The following RFC3 variants were observed in gnomAD, a reference collection of about 807,000 sequenced individuals.
RFC3 encodes A1 38 kDa subunit.
In RFC3, 41 loss-of-function variants were observed where a neutral mutation model predicts 45.1. The observed-to-expected ratio is 0.91, with a 90% confidence interval of 0.71 to 1.18. The LOEUF (loss-of-function observed/expected upper bound fraction) is 1.18, where lower values mean the gene tolerates loss of function less well. Ranked by LOEUF, RFC3 falls within the 50% of genes most tolerant of loss-of-function variation. The probability of loss-of-function intolerance (pLI) is 0.00; values close to 1 mark genes in which losing one functional copy is unlikely to be tolerated. For missense variants in RFC3, 423 were observed against 428.1 expected (o/e 0.99, Z 0.10); for synonymous variants, 149 against 144.0 (o/e 1.03, Z -0.25).
chr13:33,934,083 T>C (rs1257971963), intron 8 of RFC3, among the ~76,000 whole-genome samples: 1 of 151,792 alleles, frequency 6.6e-6, no homozygotes, highest in Non-Finnish European at 1.5e-5. Flanking sequence ...GAAAAGAGCA[T>C]GTAGGAGGAT....
chr13:33,861,621 G>A (rs1242878446), intron 8 of RFC3, among the ~76,000 whole-genome samples: 1 of 150,900 alleles, frequency 6.6e-6, no homozygotes, highest in Non-Finnish European at 1.5e-5. Context: ...TTCCAGCCTA[G>A]GCAACAAGAG....
the RFC3 span, among the ~76,000 whole-genome samples, chr13:33,974,293 T>C: frequency 2.6e-5 from 4 of 152,232 alleles, no homozygotes; most frequent in Non-Finnish European, 5.9e-5. Context: ...ACTGTTGTAG[T>C]AATAAGGAAC....
At chr13:33,904,798 G>C (rs1447881802) in intron 8 of RFC3, among the ~76,000 whole-genome samples, 1 of 152,078 alleles carries the variant, frequency 6.6e-6, no homozygotes, top group African/African-American at 2.4e-5. Context: ...TCCTCAGAAA[G>C]TAATGGAGGT....
In RFC3 at chr13:33,960,332, G is replaced by A. The variant is rs182234917; in HGVS notation, c.880-5755G>A. Among the ~76,000 whole-genome samples, 215 of 152,272 alleles carry A rather than the reference G, an allele frequency of 1.4e-3. 2 individuals are homozygous for A. The highest frequency in any genetic ancestry group is 4.8e-3 in the African/African-American group (200 of 41,550). On this transcript the variant is annotated intron_variant, in intron 8 of 8. Coordinates refer to the RFC3 transcript ENST00000434425. ...AACCTGAACAGATATATGGCCTTGG[G>A]CACACTCCATAAGATCAGGGGCTCT...
At chr13:33,858,552 A>G (rs1057344649) in intron 8 of RFC3, among the ~76,000 whole-genome samples, 1 of 152,116 alleles carries the variant, frequency 6.6e-6, no homozygotes, top group Non-Finnish European at 1.5e-5. Context: ...GAAACCCCAA[A>G]TAATCACGTT....
At chr13:33,830,669 C>T in intron 5 of RFC3, 50 bp from the exon 6 acceptor site, 1 of 1,504,412 alleles carries the variant, frequency 6.6e-7, no homozygotes, top group African/African-American at 1.4e-5. Flanking sequence ...AGAAATGAAT[C>T]TTAATCTGCT....
At chr13:33,874,710 A>G (rs1173518983) in intron 8 of RFC3, among the ~76,000 whole-genome samples, 3 of 152,192 alleles carry the variant, frequency 2.0e-5, no homozygotes, top group Non-Finnish European at 4.4e-5. Context: ...ACTGAGAATG[A>G]TTCAGGCCAT....
chr13:33,941,256 C>T (rs1265138231), intron 8 of RFC3, among the ~76,000 whole-genome samples: 1 of 151,830 alleles, frequency 6.6e-6, no homozygotes, highest in Non-Finnish European at 1.5e-5. Flanking sequence ...TCCTTTTTGC[C>T]CAATACATTC....
intron 3 of RFC3, among the ~76,000 whole-genome samples, chr13:33,824,654 T>G (rs1044621679): frequency 1.3e-5 from 2 of 151,942 alleles, no homozygotes; most frequent in African/African-American, 2.4e-5. Flanking sequence ...GAGGCAAGAG[T>G]GAACATCCAT....
At chr13:33,881,356 G>A (rs573493879) in intron 8 of RFC3, among the ~76,000 whole-genome samples, 9 of 152,114 alleles carry the variant, frequency 5.9e-5, no homozygotes, top group Non-Finnish European at 8.8e-5. Context: ...CATCATTGGC[G>A]CTCTAAGTCC....
At chr13:33,899,627 A>G (rs2082626724) in intron 8 of RFC3, among the ~76,000 whole-genome samples, 2 of 151,930 alleles carry the variant, frequency 1.3e-5, no homozygotes, top group East Asian at 3.9e-4. Context: ...CAAAAAGACA[A>G]GGATGCCCAC....
intron 8 of RFC3, among the ~76,000 whole-genome samples, chr13:33,871,251 T>G (rs1219219092): frequency 1.3e-5 from 2 of 152,220 alleles, no homozygotes; most frequent in Non-Finnish European, 2.9e-5. Flanking sequence ...AACCCACATT[T>G]ATCCTCTTAC....
chr13:33,864,033 C>T (rs1216966955), intron 8 of RFC3, among the ~76,000 whole-genome samples: 2 of 152,134 alleles, frequency 1.3e-5, no homozygotes, highest in Admixed American at 6.5e-5. Flanking sequence ...CCAACATCTG[C>T]GTGGCTTCTG....
rs1349750588 is a variant in RFC3 at position 33,830,866 on chromosome 13, G to A, written c.710+11G>A. 2.5e-6 allele frequency: 4 copies of A among 1,607,042 alleles called. No individual in the cohort carries two copies. Among genetic ancestry groups the A allele is most frequent in the Non-Finnish European group, 3.4e-6 (4 of 1,177,734 alleles). On this transcript the variant is annotated intron_variant, in intron 6 of 8. Transcript: ENST00000380071. ...CTGCAGAGTGCAACAGTGAGTGGAA[G>A]GGGTAGTTACATTCTAGGACTTTGG...
intron 7 of RFC3, among the ~76,000 whole-genome samples, chr13:33,831,945 T>C (rs770854343): frequency 9.9e-5 from 15 of 152,252 alleles, no homozygotes; most frequent in Non-Finnish European, 1.8e-4. Context: ...TGCTTATAGA[T>C]GACCATGCGT....
intron 7 of RFC3, among the ~76,000 whole-genome samples, chr13:33,833,692 T>A (rs542031926): frequency 1.4e-4 from 21 of 152,280 alleles, no homozygotes; most frequent in African/African-American, 3.4e-4. Context: ...TATATACATA[T>A]ATTAAAATAA....
At chr13:33,828,861 A>T (rs2082075945) in intron 4 of RFC3, among the ~76,000 whole-genome samples, 1 of 152,086 alleles carries the variant, frequency 6.6e-6, no homozygotes, top group African/African-American at 2.4e-5. Context: ...AATTGGCCGC[A>T]CCATGGTTTC....
Position 33,835,129 on chromosome 13 carries a change from AT to A in RFC3, c.810-17del. On this transcript the variant is annotated intron_variant, in intron 7 of 8. Transcript: ENST00000380071. ...CTCTTATTTTCTTCACAAAATACCA[AT>A]TATTTTGTTTTATGTAGGCTCCTTG... 1 of 1,530,496 alleles carries A rather than the reference AT, an allele frequency of 6.5e-7. No homozygotes were observed. Among genetic ancestry groups the A allele is most frequent in the Admixed American group, 1.8e-5 (1 of 55,890 alleles). 94.8% of individuals were successfully genotyped at this position (1,530,496 alleles called of 1,614,324 possible).
At chr13:33,874,293 A>G (rs1488230709) in intron 8 of RFC3, among the ~76,000 whole-genome samples, 2 of 152,104 alleles carry the variant, frequency 1.3e-5, no homozygotes, top group Non-Finnish European at 2.9e-5. Flanking sequence ...GCCACTAACT[A>G]GATGGGTGCT....
Sources: gnomAD v4.1 joint callset for allele counts (sites outside exome capture counted in the v4.1 genomes callset) on GRCh38, gnomAD v4.1.1 for gene constraint, MANE v1.5 for transcripts, NCBI Gene and HGNC (gene_info 2026-07-23, HGNC 2026-07-21) for gene names.